Variants in VPS13D observed in about 807,000 individuals in gnomAD.
VPS13D encodes the protein intermembrane lipid transfer protein VPS13D.
Under a neutral mutation model 461.9 loss-of-function variants are expected in VPS13D, and 187 were observed. The ratio of observed to expected loss-of-function variants is 0.40; its 90% CI spans 0.36 to 0.46. The LOEUF is 0.46. VPS13D is among the 20% of genes least tolerant of loss of function. The pLI is 0.60. For synonymous variants in VPS13D, 1,951 were observed against 1,986.3 expected (o/e 0.98, Z 0.47); for missense variants, 4,711 against 5,364.9 (o/e 0.88, Z 3.81).
At chr1:12,247,560 T>C (rs1640596999) in intron 5 of VPS13D, among the ~76,000 whole-genome samples, 2 of 152,108 alleles carry the variant, frequency 1.3e-5, no homozygotes, top group African/African-American at 4.8e-5. Context: ...CATTGTGTAC[T>C]AGTGGGTGTG....
chr1:12,257,727 T>C (rs565843198), intron 9 of VPS13D, among the ~76,000 whole-genome samples: 2 of 152,284 alleles, frequency 1.3e-5, no homozygotes, highest in African/African-American at 4.8e-5. Flanking sequence ...GATATATAAA[T>C]TGGGGATCTA....
rs1166774217 is a variant in VPS13D, at chr1:12,256,327, A to G, written c.670-6A>G. The G allele has an allele frequency of 1.2e-6, 2 of 1,612,890 alleles. No homozygotes were observed. Among genetic ancestry groups the G allele is most frequent in the African/African-American group, 2.7e-5 (2 of 74,902 alleles). ...GGAGCAGAGCAGGTGTTCTTGTGACACACAGGAGGCCATGGCCAGGAGCAT... is the reference window on the plus strand; with the variant it reads ...GGAGCAGAGCAGGTGTTCTTGTGACGCACAGGAGGCCATGGCCAGGAGCAT... On this transcript the variant is annotated splice_polypyrimidine_tract_variant and splice_region_variant and intron_variant, in intron 7 of 69. Coordinates refer to ENST00000620676, the MANE Select transcript of VPS13D (RefSeq NM_015378.4).
Position 12,444,470 on chromosome 1 carries a change from C to CT in VPS13D, c.12334-11520dup, listed in dbSNP as rs967233338. On this transcript the variant is annotated intron_variant, in intron 65 of 69. Coordinates refer to ENST00000620676, the MANE Select transcript of VPS13D (RefSeq NM_015378.4). ...TCACTTTAAATATTGTTTCTGCCCC[C>CT]TTTTTTTTCTTTCTTTTCCTTCTGT... 3.3e-5 allele frequency among the ~76,000 whole-genome samples: 5 copies of CT among 152,104 alleles called. No individual in the cohort carries two copies. In the East Asian group the frequency reaches 7.7e-4, roughly 24 times the overall value.
At chr1:12,233,594 T>C (rs1430595943) in intron 1 of VPS13D, among the ~76,000 whole-genome samples, 1 of 152,144 alleles carries the variant, frequency 6.6e-6, no homozygotes. Context: ...AAGCAAGCAA[T>C]GGACAGTTAC....
At chr1:12,377,090 G>A (rs1053359347) in intron 55 of VPS13D, among the ~76,000 whole-genome samples, 2 of 147,464 alleles carry the variant, frequency 1.4e-5, no homozygotes, top group African/African-American at 2.5e-5. Flanking sequence ...ACGGAGTTTC[G>A]CTCTTGTTCC....
intron 48 of VPS13D, 26 bp from the exon 49 acceptor site, chr1:12,356,371 AT>A (rs780285674): frequency 1.3e-5 from 21 of 1,603,844 alleles, no homozygotes. Flanking sequence ...GGTGGTATTG[AT>A]GTAAACTTTT....
At chr1:12,354,380 C>T (rs75088894) in intron 47 of VPS13D, among the ~76,000 whole-genome samples, 159 bp downstream of exon 47, 3 of 152,144 alleles carry the variant, frequency 2.0e-5, no homozygotes, top group Non-Finnish European at 2.9e-5. Context: ...AAAAAATAAC[C>T]TTTAGCTAGA....
chr1:12,422,536 T>C (rs1343688025), intron 65 of VPS13D, among the ~76,000 whole-genome samples: 1 of 152,226 alleles, frequency 6.6e-6, no homozygotes, highest in African/African-American at 2.4e-5. Context: ...TCAGTTTTGT[T>C]TTTTATGAAT....
Position 12,277,976 on chromosome 1 carries a change from A to G in VPS13D, c.4388A>G (p.Asn1463Ser). The G allele has an allele frequency of 6.2e-7, 1 of 1,614,230 alleles. No individual in the cohort carries two copies. Among genetic ancestry groups the G allele is most frequent in the East Asian group, 2.2e-5 (1 of 44,882 alleles). ...CCACCTTCCGGGTCTGGCAGTGCCA[A>G]CAGTCAGGAGGAAGCTCATTTCACA... ...FCPPSGSGSA[N>S]SQEEAHFTRH... The change falls in exon 19 of 70, where the codon AAC becomes AGC. Residue 1463 changes from asparagine (N) to serine (S), a missense_variant. By Grantham distance (46) the Asn-to-Ser change is conservative. Coordinates refer to ENST00000620676, the MANE Select transcript of VPS13D (RefSeq NM_015378.4).
At chr1:12,439,516 A>G (rs190457771) in intron 65 of VPS13D, among the ~76,000 whole-genome samples, 1 of 147,532 alleles carries the variant, frequency 6.8e-6, no homozygotes. Flanking sequence ...TACTGCTTTT[A>G]TTTTACTTCT....
intron 2 of VPS13D, among the ~76,000 whole-genome samples, chr1:12,237,803 G>A (rs1640205610): frequency 6.6e-6 from 1 of 152,066 alleles, no homozygotes; most frequent in South Asian, 2.1e-4. Flanking sequence ...CTGTAGCCTG[G>A]GCAACAGAGC....
At chr1:12,373,465 A>G (rs939295159) in intron 54 of VPS13D, among the ~76,000 whole-genome samples, 5 of 151,606 alleles carry the variant, frequency 3.3e-5, no homozygotes, top group Non-Finnish European at 5.9e-5. Flanking sequence ...CTAAAGATAT[A>G]TGGTTATACT....
intron 67 of VPS13D, among the ~76,000 whole-genome samples, chr1:12,486,992 C>T (rs1001335215): frequency 3.3e-5 from 5 of 152,142 alleles, no homozygotes; most frequent in African/African-American, 1.2e-4. Flanking sequence ...TCAGAAGAAT[C>T]ACCCTCCCTG....
chr1:12,490,869 C>G (rs1645871232), intron 67 of VPS13D, among the ~76,000 whole-genome samples: 1 of 152,148 alleles, frequency 6.6e-6, no homozygotes, highest in South Asian at 2.1e-4. Context: ...CAGATGCAGC[C>G]CACGGCATGG....
chr1:12,285,274 T>G lies in VPS13D; in HGVS notation c.5634+1538T>G, dbSNP rs145279023. 3.0e-4 allele frequency among the ~76,000 whole-genome samples: 44 copies of G among 148,120 alleles called. No homozygotes were observed. In the South Asian group the frequency reaches 4.0e-3, roughly 13 times the overall value. On this transcript the variant is annotated intron_variant, in intron 21 of 69. Coordinates refer to ENST00000620676, the MANE Select transcript of VPS13D (RefSeq NM_015378.4). Reference sequence around the variant, plus strand: ...GAAGTATTTTATTTTATGTATTTATTTATTTATTTATTTATTTATTTATTT... The same window carrying G: ...GAAGTATTTTATTTTATGTATTTATGTATTTATTTATTTATTTATTTATTT...
intron 63 of VPS13D, among the ~76,000 whole-genome samples, chr1:12,413,173 G>T (rs78815467): frequency 0.056 from 8,465 of 150,304 alleles, 357 homozygotes; most frequent in Admixed American, 0.12. Context: ...GTGTTTTTTT[G>T]TTTGTTTGTT....
At chr1:12,254,194 G>A (rs563994375) in intron 7 of VPS13D, among the ~76,000 whole-genome samples, 73 of 152,208 alleles carry the variant, frequency 4.8e-4, no homozygotes, top group African/African-American at 1.7e-3. Flanking sequence ...ACATCGAGAT[G>A]TTTTCCATCA....
chr1:12,472,565 G>A (rs1196705771), intron 67 of VPS13D, among the ~76,000 whole-genome samples: 10 of 152,166 alleles, frequency 6.6e-5, no homozygotes, highest in South Asian at 2.1e-4. Flanking sequence ...ACATTTCAGC[G>A]CCACGTGTCC....
At chr1:12,425,166 T>A (rs1644909261) in intron 65 of VPS13D, among the ~76,000 whole-genome samples, 1 of 152,152 alleles carries the variant, frequency 6.6e-6, no homozygotes, top group Non-Finnish European at 1.5e-5. Flanking sequence ...ACCTTATAAT[T>A]GTTCTTTCTA....
Sources: gnomAD v4.1 joint callset for allele counts (sites outside exome capture counted in the v4.1 genomes callset) on GRCh38, gnomAD v4.1.1 for gene constraint, MANE v1.5 for transcripts, NCBI Gene and HGNC (gene_info 2026-07-23, HGNC 2026-07-21) for gene names.